The following CTNNA3 variants were observed in gnomAD, a reference collection of about 807,000 sequenced individuals.
The protein encoded by CTNNA3 is catenin alpha-3.
CTNNA3 carries 76 observed loss-of-function variants against 95.7 expected under a neutral mutation model. The observed-to-expected ratio is 0.79, with a 90% CI of 0.66 to 0.96. CTNNA3 has a LOEUF of 0.96. CTNNA3 is among the 40% of genes least tolerant of loss of function. The pLI is 0.00. For synonymous variants in CTNNA3, 431 were observed against 374.4 expected, an observed-to-expected ratio of 1.15 and a Z score of -1.74; for missense variants, 1,191 against 1,089.8, an observed-to-expected ratio of 1.09 and a Z score of -1.31.
At chr10:67,221,022 C>T (rs947583972) in intron 5 of CTNNA3, among the ~76,000 whole-genome samples, 35 of 152,212 alleles carry the variant, frequency 2.3e-4, no homozygotes, top group African/African-American at 8.2e-4. Context: ...AGGAGATGGA[C>T]TGACAAGCTG....
chr10:67,706,873 T>C (rs1054335694), intron 1 of CTNNA3, among the ~76,000 whole-genome samples: 16 of 152,188 alleles, frequency 1.1e-4, no homozygotes, highest in Non-Finnish European at 1.8e-4. Flanking sequence ...AACTGCCTTG[T>C]CCATCTGAAT....
At chr10:66,688,649 A>G (rs1847391536) in intron 9 of CTNNA3, among the ~76,000 whole-genome samples, 1 of 152,022 alleles carries the variant, frequency 6.6e-6, no homozygotes, top group African/African-American at 2.4e-5. Context: ...GACTTTACTA[A>G]CTTTATTTTC....
intron 5 of CTNNA3, among the ~76,000 whole-genome samples, chr10:67,313,908 G>A (rs1840931096): frequency 6.6e-6 from 1 of 152,114 alleles, no homozygotes; most frequent in Non-Finnish European, 1.5e-5. Flanking sequence ...ATGCTGACTT[G>A]GATACAAGGA....
Position 66,103,154 on chromosome 10 carries a change from T to C in CTNNA3, c.1977+3A>G, listed in dbSNP as rs757138676. ...GGTTCTCCCACCAGTTGAAGTGACA[T>C]ACCCTATCAGTTTTCCCTTCGGTCT... On this transcript the variant is annotated splice_donor_region_variant and intron_variant, in intron 14 of 17. Transcript: ENST00000433211. 1.9e-6 allele frequency: 3 copies of C among 1,611,378 alleles called. No homozygotes were observed. Among genetic ancestry groups the C allele is most frequent in the East Asian group, 2.2e-5 (1 of 44,862 alleles).
intron 16 of CTNNA3, among the ~76,000 whole-genome samples, chr10:65,981,936 G>A (rs188879708): frequency 3.8e-4 from 58 of 151,894 alleles, no homozygotes; most frequent in African/African-American, 1.3e-3. Context: ...CACTGGTTTC[G>A]GCAAAGACTC....
intron 5 of CTNNA3, among the ~76,000 whole-genome samples, chr10:67,331,577 A>G (rs1480724562): frequency 5.9e-5 from 9 of 152,162 alleles, no homozygotes; most frequent in Non-Finnish European, 1.3e-4. Flanking sequence ...GTGACCTAGA[A>G]GGCAGTTCTA....
chr10:65,995,432 C>G (rs1163490020), intron 15 of CTNNA3, among the ~76,000 whole-genome samples: 1 of 152,162 alleles, frequency 6.6e-6, no homozygotes, highest in East Asian at 1.9e-4. Flanking sequence ...TCAGTGGTAT[C>G]TGTGATTTCC....
chr10:66,088,663 C>T (rs192583096), intron 14 of CTNNA3, among the ~76,000 whole-genome samples: 2 of 152,126 alleles, frequency 1.3e-5, no homozygotes, highest in East Asian at 3.9e-4. Context: ...ACAGCTTACC[C>T]TAATTGGTAT....
At chr10:66,904,632 T>G (rs1845904928) in intron 7 of CTNNA3, among the ~76,000 whole-genome samples, 1 of 152,068 alleles carries the variant, frequency 6.6e-6, no homozygotes. Context: ...ACAAAGGGCT[T>G]ATATCCAGAA....
intron 5 of CTNNA3, among the ~76,000 whole-genome samples, chr10:67,372,315 TG>T (rs1843501320): frequency 6.6e-6 from 1 of 152,244 alleles, no homozygotes; most frequent in Admixed American, 6.5e-5. Context: ...GCCTATGTCC[TG>T]AATGGTAATG....
chr10:66,297,561 G>A (rs527422749), intron 12 of CTNNA3, among the ~76,000 whole-genome samples: 1 of 152,080 alleles, frequency 6.6e-6, no homozygotes, highest in East Asian at 1.9e-4. Flanking sequence ...TCTTCCTCGT[G>A]TCCTCTATCC....
intron 1 of CTNNA3, among the ~76,000 whole-genome samples, chr10:67,726,605 TTATATAA>T (rs1841227893): frequency 7.4e-5 from 2 of 26,986 alleles, no homozygotes; most frequent in African/African-American, 1.4e-4. Flanking sequence ...ATATTACATA[TTATATAA>T]TATATAATAT....
chr10:66,826,398 T>G (rs1198337422), intron 7 of CTNNA3, among the ~76,000 whole-genome samples: 1 of 152,184 alleles, frequency 6.6e-6, no homozygotes, highest in East Asian at 1.9e-4. Flanking sequence ...CACTTCAGCC[T>G]CCTGAGTAGC....
intron 10 of CTNNA3, among the ~76,000 whole-genome samples, chr10:66,590,063 G>A (rs775080779): frequency 1.3e-5 from 2 of 152,038 alleles, no homozygotes; most frequent in Non-Finnish European, 2.9e-5. Context: ...TGAAGTTTGT[G>A]AACTGCTAAT....
chr10:66,512,176 G>C (rs12250326), intron 11 of CTNNA3, among the ~76,000 whole-genome samples: 4,934 of 151,920 alleles, frequency 0.032, 254 homozygotes, highest in African/African-American at 0.11. Flanking sequence ...TATTTTGTCT[G>C]ATATAAGTTT....
intron 7 of CTNNA3, among the ~76,000 whole-genome samples, chr10:66,825,765 C>T (rs570763079): frequency 5.3e-5 from 8 of 152,094 alleles, no homozygotes; most frequent in African/African-American, 9.7e-5. Context: ...AGTCATCTCA[C>T]TGTCCCAGGA....
intron 5 of CTNNA3, among the ~76,000 whole-genome samples, chr10:67,497,772 A>T (rs546830141): frequency 6.6e-6 from 1 of 152,144 alleles, no homozygotes; most frequent in East Asian, 1.9e-4. Flanking sequence ...CCACGTTTTG[A>T]TGGGGTTGTT....
chr10:66,467,030 A>C (rs12264525), intron 11 of CTNNA3, among the ~76,000 whole-genome samples: 9,388 of 152,150 alleles, frequency 0.062, 600 homozygotes, highest in African/African-American at 0.16. Context: ...CCTAGCACAC[A>C]GTAGGCATGC....
chr10:67,359,403 T>C (rs1394499384), intron 5 of CTNNA3, among the ~76,000 whole-genome samples: 2 of 152,012 alleles, frequency 1.3e-5, no homozygotes, highest in Admixed American at 6.6e-5. Flanking sequence ...AATGTGGAAA[T>C]GACAGACATA....
Sources: gnomAD v4.1 joint callset for allele counts (sites outside exome capture counted in the v4.1 genomes callset) on GRCh38, gnomAD v4.1.1 for gene constraint, MANE v1.5 for transcripts, NCBI Gene and HGNC (gene_info 2026-07-23, HGNC 2026-07-21) for gene names.